NCOR2: variants seen among roughly 807,000 people sequenced by gnomAD.
NCOR2 encodes the protein nuclear receptor corepressor 2.
Under a neutral mutation model 262.9 loss-of-function variants are expected in NCOR2, and 81 were observed. The observed-to-expected ratio is 0.31, with a 90% CI of 0.26 to 0.37. NCOR2 has a LOEUF of 0.37. NCOR2 is among the 10% of genes least tolerant of loss of function. NCOR2 has a pLI of 1.00. For synonymous variants in NCOR2, 1,659 were observed against 1,559.3 expected (o/e 1.06, Z -1.51); for missense variants, 3,385 against 3,621.4 (o/e 0.93, Z 1.68).
At chr12:124,351,173 C>G (rs1445129096) in intron 27 of NCOR2, among the ~76,000 whole-genome samples, 1 of 152,166 alleles carries the variant, frequency 6.6e-6, no homozygotes, top group Non-Finnish European at 1.5e-5. Context: ...GGGGTCTACT[C>G]AGAGCCTTGA....
chr12:124,388,946 C>T (rs948958764), intron 16 of NCOR2: 1 of 195,654 alleles, frequency 5.1e-6, no homozygotes, highest in Non-Finnish European at 1.0e-5. Flanking sequence ...GAGGGGCGGG[C>T]GGGAGGCAGC....
intron 6 of NCOR2, among the ~76,000 whole-genome samples, chr12:124,452,957 G>A (rs1050772396): frequency 6.6e-6 from 1 of 152,162 alleles, no homozygotes; most frequent in Non-Finnish European, 1.5e-5. Context: ...CACTCCCCGA[G>A]GCCCCTGAAC....
In NCOR2 at chr12:124,378,406, G is replaced by C. The variant is rs1481874812; in HGVS notation, c.2020-22C>G. The C allele has an allele frequency of 1.2e-6, 2 of 1,602,178 alleles. No homozygotes were observed. The highest frequency in any genetic ancestry group is 1.1e-5 in the South Asian group (1 of 89,652). On this transcript the variant is annotated intron_variant, in intron 17 of 46. Coordinates refer to ENST00000405201, the Ensembl canonical transcript of NCOR2. This position sits in a 1 kb window ranked among gnomAD's most constrained non-coding sequence, Gnocchi z 4.2. ...TCTCCTGGGGCACAGGGAAGCAGCAGATCAGGACTGGGGCCTGGGCTGTCA... is the reference window on the plus strand; with the variant it reads ...TCTCCTGGGGCACAGGGAAGCAGCACATCAGGACTGGGGCCTGGGCTGTCA...
At chr12:124,539,015 G>GCCAGGGCA (rs150061360), upstream of NCOR2, 7,906 of 152,330 alleles carry the variant, frequency 0.052, 274 homozygotes, top group East Asian at 0.098. This position sits in a 1 kb window ranked among gnomAD's most constrained non-coding sequence, Gnocchi z 5.1. Context: ...GCCATGGGGA[G>GCCAGGGCA]CCAGGGCACC....
intron 23 of NCOR2, among the ~76,000 whole-genome samples, chr12:124,355,812 T>C (rs1224010514): frequency 6.6e-6 from 1 of 152,158 alleles, no homozygotes; most frequent in Non-Finnish European, 1.5e-5. Context: ...CCAAGCGCCC[T>C]CAACTCTCAT....
rs1304868971 is a variant in NCOR2 at position 124,389,805 on chromosome 12, G to T, written c.1877-3918C>A. Among the ~76,000 whole-genome samples the T allele has an allele frequency of 2.6e-5, 4 of 152,168 alleles. No homozygotes were observed. Among genetic ancestry groups the T allele is most frequent in the African/African-American group, 4.8e-5 (2 of 41,434 alleles). ...CAAAGAGCCCTCTGCTGCTGGGGGG[G>T]TCTCGGGACCACAGCTGCCCCTTTC... is the stretch of plus-strand genomic sequence containing the variant. On this transcript the variant is annotated intron_variant, in intron 16 of 46. Transcript: ENST00000405201. This position sits in a 1 kb window ranked among gnomAD's most constrained non-coding sequence, Gnocchi z 4.4.
At chr12:124,537,649 T>TC (rs2051155512), upstream of NCOR2, among the ~76,000 whole-genome samples, 1 of 152,284 alleles carries the variant, frequency 6.6e-6, no homozygotes, top group African/African-American at 2.4e-5. Context: ...TGTGTGCCAC[T>TC]CCAGTGTGTG....
chr12:124,328,948 C>T (rs940718923), intron 44 of NCOR2: 3 of 313,250 alleles, frequency 9.6e-6, no homozygotes, highest in African/African-American at 4.4e-5. Flanking sequence ...TTTGAAAAAA[C>T]AGCCATGTGC....
intron 3 of NCOR2, among the ~76,000 whole-genome samples, chr12:124,474,952 G>A (rs1021740598): frequency 9.9e-5 from 15 of 151,990 alleles, no homozygotes; most frequent in African/African-American, 3.4e-4. Flanking sequence ...CAGCCCGGGG[G>A]CCACCGAGTG....
In NCOR2 at chr12:124,481,890, G is replaced by A. The variant is rs545657254; in HGVS notation, c.411+1706C>T. Among the ~76,000 whole-genome samples, 5 of 152,106 alleles carry A rather than the reference G, an allele frequency of 3.3e-5. No homozygotes were observed. Among genetic ancestry groups the A allele is most frequent in the Admixed American group, 6.5e-5 (1 of 15,270 alleles). The stretch of plus-strand genomic sequence containing the variant: ...GGGAGGCAGGAGCAGGGAGACCCAG[G>A]AGGAGGCTACTGCAAAGTTACTGGA... On this transcript the variant is annotated intron_variant, in intron 3 of 46. Coordinates refer to ENST00000405201, the Ensembl canonical transcript of NCOR2. This position sits in a 1 kb window ranked among gnomAD's most constrained non-coding sequence, Gnocchi z 4.6.
chr12:124,383,850 T>C (rs1408168562), intron 17 of NCOR2, among the ~76,000 whole-genome samples: 1 of 152,202 alleles, frequency 6.6e-6, no homozygotes, highest in Non-Finnish European at 1.5e-5. Context: ...CTGGGCCTAA[T>C]GGGATGGTTC....
intron 32 of NCOR2, among the ~76,000 whole-genome samples, chr12:124,344,079 G>C (rs547330233): frequency 6.6e-6 from 1 of 152,330 alleles, no homozygotes; most frequent in South Asian, 2.1e-4. Context: ...GGACATGGCA[G>C]GCAGAGAGGA....
At chr12:124,385,427 G>A (rs1017763449) in intron 17 of NCOR2, among the ~76,000 whole-genome samples, 4 of 152,184 alleles carry the variant, frequency 2.6e-5, no homozygotes, top group Non-Finnish European at 5.9e-5. Context: ...CTGGTCCACC[G>A]CGCTCCTTCC....
At chr12:124,347,776 G>C in intron 30 of NCOR2, 49 bp downstream of exon 32, 1 of 1,541,498 alleles carries the variant, frequency 6.5e-7, no homozygotes, top group Non-Finnish European at 8.8e-7. Context: ...CGCCCTGCGT[G>C]ACTGTACACC....
chr12:124,470,692 G>A (rs555452552), intron 4 of NCOR2, among the ~76,000 whole-genome samples: 13 of 152,228 alleles, frequency 8.5e-5, no homozygotes, highest in Non-Finnish European at 1.8e-4. Flanking sequence ...GCTCCTATGA[G>A]GCTTCCCTGT....
chr12:124,461,113 C>T (rs765104886), intron 5 of NCOR2, among the ~76,000 whole-genome samples: 1 of 152,292 alleles, frequency 6.6e-6, no homozygotes, highest in Non-Finnish European at 1.5e-5. Flanking sequence ...TCAGGGGACT[C>T]AGCCCCAACC....
intron 41 of NCOR2, 56 bp from the exon 44 acceptor site, chr12:124,333,335 A>AC (rs1566352180): frequency 7.1e-7 from 1 of 1,404,496 alleles, no homozygotes; most frequent in Non-Finnish European, 9.4e-7. Context: ...GAGGGGGCGC[A>AC]CCCTCCCTCC....
At chr12:124,358,356 A>G (rs1593199162) in intron 22 of NCOR2, among the ~76,000 whole-genome samples, 1 of 139,774 alleles carries the variant, frequency 7.2e-6, no homozygotes, top group Admixed American at 7.1e-5. Flanking sequence ...CACAATGTTG[A>G]AGGAGGTAAC....
At position 124,523,863 on chromosome 12, in the gene NCOR2, C is replaced by T. The variant is rs1206150347; in HGVS notation, c.-118+11702G>A. ...GGACGGGGCTGGGAAGTGGCAATGT[C>T]GGTTTTGAACTCAGCAAGTGTGAAA... is the stretch of plus-strand genomic sequence containing the variant. On this transcript the variant is annotated intron_variant, in intron 1 of 46. Coordinates refer to the NCOR2 transcript ENST00000404621. The surrounding 1 kb of genome is among the most constrained non-coding windows in gnomAD (Gnocchi z 4.0). Among the ~76,000 whole-genome samples, 4 of 152,132 alleles carry T rather than the reference C, an allele frequency of 2.6e-5. No individual in the cohort carries two copies. Among genetic ancestry groups the T allele is most frequent in the African/African-American group, 9.7e-5 (4 of 41,412 alleles).
Sources: allele counts gnomAD v4.1 joint callset (sites outside exome capture counted in the v4.1 genomes callset), GRCh38; gene constraint gnomAD v4.1.1; non-coding constraint Gnocchi (gnomAD v3.1); transcripts MANE v1.5; gene names NCBI Gene and HGNC (gene_info 2026-07-23, HGNC 2026-07-21).